RBMS1: variants seen among roughly 807,000 people sequenced by gnomAD.
The protein encoded by RBMS1 is RNA binding motif single stranded interacting protein 1.
In RBMS1, 17 loss-of-function variants were observed where a neutral mutation model predicts 62.3. The ratio of observed to expected loss-of-function variants is 0.27; its 90% CI spans 0.19 to 0.41. The LOEUF is 0.41. RBMS1 is among the 10% of genes least tolerant of loss of function. RBMS1 has a pLI of 1.00. For missense variants in RBMS1, 334 were observed against 504.5 expected (o/e 0.66, Z 3.24); for synonymous variants, 172 against 170.0 (o/e 1.01, Z -0.09).
chr2:160,300,543 T>TA (rs1559343745), intron 6 of RBMS1, 108 bp downstream of exon 6: 2 of 1,362,258 alleles, frequency 1.5e-6, no homozygotes. Context: ...AAATGCATCT[T>TA]AAAGAGTGAA....
chr2:160,328,702 G>A (rs1170316828), intron 2 of RBMS1, among the ~76,000 whole-genome samples: 1 of 152,126 alleles, frequency 6.6e-6, no homozygotes, highest in African/African-American at 2.4e-5. Flanking sequence ...AGGGGCTGGG[G>A]TGGGGCGGAA....
chr2:160,282,262 T>G, intron 9 of RBMS1: 1 of 1,367,904 alleles, frequency 7.3e-7, no homozygotes, highest in South Asian at 1.1e-5. Context: ...TTTACCTTGA[T>G]AGCAGAGCCC....
intron 4 of RBMS1, among the ~76,000 whole-genome samples, chr2:160,309,617 A>AT (rs1331351430): frequency 6.6e-6 from 1 of 152,182 alleles, no homozygotes; most frequent in Admixed American, 6.5e-5. Context: ...TCAAGGAGCT[A>AT]TAGGAGAGAA....
At chr2:160,329,670 C>A (rs1691151082) in intron 2 of RBMS1, among the ~76,000 whole-genome samples, 1 of 151,920 alleles carries the variant, frequency 6.6e-6, no homozygotes. Flanking sequence ...TGAAGGTAAA[C>A]ATGCCTCACC....
At chr2:160,346,209 TTACC>T (rs1419933467) in intron 2 of RBMS1, among the ~76,000 whole-genome samples, 1 of 152,138 alleles carries the variant, frequency 6.6e-6, no homozygotes, top group Non-Finnish European at 1.5e-5. Flanking sequence ...GGCTGCGATA[TTACC>T]GACCGTAGGA....
At chr2:160,328,903 T>C (rs867605742) in intron 2 of RBMS1, among the ~76,000 whole-genome samples, 1 of 152,160 alleles carries the variant, frequency 6.6e-6, no homozygotes, top group Non-Finnish European at 1.5e-5. Flanking sequence ...AATGACTGCT[T>C]CATTCAAAAC....
chr2:160,320,242 C>T lies in RBMS1; in HGVS notation c.252-2015G>A, dbSNP rs144860351. Among the ~76,000 whole-genome samples, 402 of 152,252 alleles carry T rather than the reference C, an allele frequency of 2.6e-3. 2 individuals are homozygous for T. Among genetic ancestry groups the T allele is most frequent in the Middle Eastern group, 0.01 (3 of 294 alleles). ...CAGCACTTTGGAAGGCCAAAGCCGG[C>T]GGATGGCTTGAGCCCTAGAGTTCGA... On this transcript the variant is annotated intron_variant, in intron 2 of 13. Transcript: ENST00000348849.
intron 3 of RBMS1, 84 bp downstream of exon 3, chr2:160,318,085 G>A (rs1229619852): frequency 2.8e-5 from 43 of 1,545,484 alleles, no homozygotes; most frequent in Non-Finnish European, 3.7e-5. Context: ...AAACGAAGGT[G>A]GTTTTGAAAC....
intron 1 of RBMS1, among the ~76,000 whole-genome samples, chr2:160,392,089 C>A (rs1412611770): frequency 6.6e-6 from 1 of 152,136 alleles, no homozygotes; most frequent in Non-Finnish European, 1.5e-5. Flanking sequence ...GCTCTTAATC[C>A]AAAACCTTTT....
chr2:160,291,623 T>A (rs901798923), intron 6 of RBMS1, among the ~76,000 whole-genome samples: 2 of 152,218 alleles, frequency 1.3e-5, no homozygotes, highest in African/African-American at 4.8e-5. Flanking sequence ...TTTAGGTTTC[T>A]CCTCCTCCCC....
intron 1 of RBMS1, among the ~76,000 whole-genome samples, chr2:160,490,139 A>G (rs1434942186): frequency 1.3e-5 from 2 of 152,098 alleles, no homozygotes; most frequent in Non-Finnish European, 2.9e-5. Context: ...TAGCTAAAAG[A>G]TGGATATTAA....
Position 160,274,495 on chromosome 2 carries a change from A to G in RBMS1, c.*277T>C, listed in dbSNP as rs1574192624. The G allele has an allele frequency of 6.8e-6, 1 of 146,410 alleles. No homozygotes were observed. The highest frequency in any genetic ancestry group is 2.0e-4 in the East Asian group (1 of 5,032). The allele number at this position is 146,410 out of a possible 1,614,324, so 9.1% of individuals were successfully genotyped here. A position where few individuals can be genotyped will look rare whatever the true frequency, so the allele number is the denominator to read the frequency against. On this transcript the variant is annotated 3_prime_UTR_variant, in exon 14 of 14. Coordinates refer to ENST00000348849, the MANE Select transcript of RBMS1 (RefSeq NM_016836.4). The stretch of plus-strand genomic sequence containing the variant: ...TCTTTTTCTTTTTTTGCATCATAAC[A>G]TTTGATAAAAATCTTTTGTTTTTGT...
intron 1 of RBMS1, among the ~76,000 whole-genome samples, chr2:160,443,721 C>A (rs1381855099): frequency 2.6e-5 from 4 of 152,212 alleles, no homozygotes; most frequent in African/African-American, 4.8e-5. Context: ...ACCAATCAAA[C>A]CTCTTTTCTG....
At chr2:160,287,936 A>G (rs540745513) in intron 6 of RBMS1, among the ~76,000 whole-genome samples, 1 of 150,402 alleles carries the variant, frequency 6.6e-6, no homozygotes, top group African/African-American at 2.4e-5. Context: ...AATATATATT[A>G]CTATATACCT....
chr2:160,407,341 T>C, intron 1 of RBMS1: 1 of 985,166 alleles, frequency 1.0e-6, no homozygotes, highest in African/African-American at 1.7e-5. Context: ...CGCGGCCGCC[T>C]TCCTGGGAAA....
intron 1 of RBMS1, among the ~76,000 whole-genome samples, chr2:160,460,868 G>T (rs576837523): frequency 1.1e-3 from 172 of 152,274 alleles, no homozygotes; most frequent in Non-Finnish European, 2.1e-3. Flanking sequence ...CTATGATCTT[G>T]TAAGACATAC....
chr2:160,434,613 C>A (rs1383580456), intron 1 of RBMS1, among the ~76,000 whole-genome samples: 1 of 152,194 alleles, frequency 6.6e-6, no homozygotes, highest in Non-Finnish European at 1.5e-5. Context: ...TAGCCACATG[C>A]AGCTAATGGG....
intron 4 of RBMS1, among the ~76,000 whole-genome samples, chr2:160,307,524 G>C (rs1008401502): frequency 6.6e-6 from 1 of 152,102 alleles, no homozygotes; most frequent in East Asian, 1.9e-4. Flanking sequence ...TTTGTAGCTC[G>C]TTATCTGCGT....
chr2:160,379,032 C>T (rs1247804301), intron 1 of RBMS1, among the ~76,000 whole-genome samples: 2 of 152,062 alleles, frequency 1.3e-5, no homozygotes, highest in African/African-American at 4.8e-5. Flanking sequence ...CCAGCATGGG[C>T]AACATGGCAA....
Sources: gnomAD v4.1 joint callset for allele counts (sites outside exome capture counted in the v4.1 genomes callset) on GRCh38, gnomAD v4.1.1 for gene constraint, MANE v1.5 for transcripts, NCBI Gene and HGNC (gene_info 2026-07-23, HGNC 2026-07-21) for gene names.